Variants in CUX1 observed in about 807,000 individuals in gnomAD.
CUX1 encodes the protein protein CASP.
In CUX1, 31 loss-of-function variants were observed where a neutral mutation model predicts 158.8. The observed-to-expected ratio is 0.20, with a 90% CI of 0.15 to 0.26. The LOEUF is 0.26. CUX1 is among the 10% of genes least tolerant of loss of function. The pLI, the probability that CUX1 is intolerant of heterozygous loss-of-function variation, is 1.00. For synonymous variants in CUX1, 879 were observed against 862.1 expected (o/e 1.02, Z -0.34); for missense variants, 1,589 against 2,014.6 (o/e 0.79, Z 4.04).
intron 1 of CUX1, among the ~76,000 whole-genome samples, chr7:101,908,419 T>C (rs768900243): frequency 6.6e-6 from 1 of 152,192 alleles, no homozygotes; most frequent in Non-Finnish European, 1.5e-5. Flanking sequence ...GTGCTGGGAT[T>C]ACGGGCGTGA....
intron 1 of CUX1, among the ~76,000 whole-genome samples, chr7:101,870,991 G>C (rs1308339606): frequency 2.0e-5 from 3 of 152,222 alleles, no homozygotes; most frequent in African/African-American, 7.2e-5. Context: ...TAGCCACCAG[G>C]GGCTGCAGAT....
In CUX1 at chr7:101,931,055, C is replaced by T. The variant is rs533196889; in HGVS notation, c.141+14830C>T. Among the ~76,000 whole-genome samples, 8 of 152,312 alleles carry T rather than the reference C, an allele frequency of 5.3e-5. No homozygotes were observed. The South Asian group carries it at 1.2e-3, about 24-fold the overall frequency. The stretch of plus-strand genomic sequence containing the variant: ...AGATTGCAGTGAGCCGAGATCACGC[C>T]ACTGCACTCCAGCCTGGATTTCAGA... On this transcript the variant is annotated intron_variant, in intron 2 of 23. Coordinates refer to ENST00000292535, the MANE Select transcript of CUX1 (RefSeq NM_181552.4).
intron 1 of CUX1, among the ~76,000 whole-genome samples, chr7:101,842,740 C>T (rs1339523436): frequency 6.7e-6 from 1 of 150,362 alleles, no homozygotes; most frequent in Non-Finnish European, 1.5e-5. Flanking sequence ...TGTACTGTTA[C>T]ATTGCATGTA....
At position 102,251,799 on chromosome 7, in the gene CUX1, A is replaced by G; in HGVS notation, c.*2757A>G. On this transcript the variant is annotated 3_prime_UTR_variant, in exon 24 of 24. Coordinates refer to ENST00000292535, the MANE Select transcript of CUX1 (RefSeq NM_181552.4). The stretch of plus-strand genomic sequence containing the variant: ...TTTTCATAAGAATGAAAAGAAGTTA[A>G]CAGGAAATAGTAGGCTAGGGTTTAG... 1.0e-6 allele frequency: 1 copy of G among 985,418 alleles called. No homozygotes were observed. The highest frequency in any genetic ancestry group is 1.7e-5 in the African/African-American group (1 of 57,358). 61.0% of individuals were successfully genotyped at this position (985,418 alleles called of 1,614,324 possible). A position where few individuals can be genotyped will look rare whatever the true frequency, so the allele number is the denominator to read the frequency against.
chr7:102,237,226 G>C (rs2132469229), intron 22 of CUX1, among the ~76,000 whole-genome samples: 1 of 152,306 alleles, frequency 6.6e-6, no homozygotes, highest in East Asian at 1.9e-4. Flanking sequence ...CCTTGCCTAA[G>C]CTGTTTATTT....
chr7:102,183,344 C>T (rs1218158976), intron 11 of CUX1, among the ~76,000 whole-genome samples: 2 of 151,504 alleles, frequency 1.3e-5, no homozygotes, highest in African/African-American at 4.9e-5. Flanking sequence ...TTTTAATGAG[C>T]CAGAGTGGTG....
chr7:101,818,519 G>A (rs1350855052), intron 1 of CUX1, among the ~76,000 whole-genome samples: 1 of 152,062 alleles, frequency 6.6e-6, no homozygotes, highest in East Asian at 1.9e-4. Flanking sequence ...ACTTCTTCAG[G>A]GGATCAGGGC....
chr7:101,990,564 A>T (rs1452271356), intron 2 of CUX1, among the ~76,000 whole-genome samples: 2 of 152,024 alleles, frequency 1.3e-5, no homozygotes, highest in African/African-American at 2.4e-5. Flanking sequence ...TTTAGTAGAG[A>T]TGGGGTTTCA....
intron 2 of CUX1, among the ~76,000 whole-genome samples, chr7:101,985,701 C>T (rs1814209507): frequency 6.6e-6 from 1 of 152,166 alleles, no homozygotes; most frequent in Non-Finnish European, 1.5e-5. Flanking sequence ...AAGCCACCAC[C>T]CTGTTTTGAG....
downstream of CUX1, among the ~76,000 whole-genome samples, chr7:102,260,647 C>T (rs1465649274): frequency 7.4e-6 from 1 of 135,398 alleles, no homozygotes; most frequent in Non-Finnish European, 1.5e-5. Flanking sequence ...TGATCTCGAA[C>T]TCCTGACTTC....
intron 2 of CUX1, among the ~76,000 whole-genome samples, chr7:101,997,593 C>T (rs901909756): frequency 8.5e-5 from 13 of 152,136 alleles, no homozygotes; most frequent in African/African-American, 3.1e-4. Flanking sequence ...ATCCTCCCGC[C>T]TCAGCCTCCC....
rs2023204 is a variant in CUX1, at chr7:102,279,503, G to A, written c.1681-534G>A. 6.2e-3 allele frequency among the ~76,000 whole-genome samples: 939 copies of A among 152,110 alleles called. 13 individuals carry two copies. Among genetic ancestry groups the A allele is most frequent in the African/African-American group, 0.021 (883 of 41,460 alleles). The stretch of plus-strand genomic sequence containing the variant: ...CCCCAGGCCTCCCAGGGGCCACCCC[G>A]TGCCAGGAAACCCTTTCTATGAGTG... On this transcript the variant is annotated intron_variant, in intron 18 of 22. Coordinates refer to the CUX1 transcript ENST00000292538.
intron 1 of CUX1, among the ~76,000 whole-genome samples, chr7:101,836,855 T>TG (rs1006967460): frequency 2.6e-5 from 4 of 151,556 alleles, no homozygotes; most frequent in African/African-American, 9.7e-5. Flanking sequence ...ATGGGTGCGG[T>TG]GGGGGGCAGG....
chr7:101,926,086 T>G (rs1307091840), intron 2 of CUX1, among the ~76,000 whole-genome samples: 1 of 152,200 alleles, frequency 6.6e-6, no homozygotes, highest in Non-Finnish European at 1.5e-5. Flanking sequence ...AAAAGTATCT[T>G]GTGAATTTTC....
intron 2 of CUX1, among the ~76,000 whole-genome samples, chr7:102,006,232 C>T (rs1817360467): frequency 6.6e-6 from 1 of 152,108 alleles, no homozygotes; most frequent in Non-Finnish European, 1.5e-5. Flanking sequence ...TTGGAGCCTC[C>T]AGTTGGAAAC....
chr7:102,045,447 C>T (rs921660082), intron 3 of CUX1, among the ~76,000 whole-genome samples: 5 of 152,266 alleles, frequency 3.3e-5, no homozygotes, highest in African/African-American at 9.6e-5. Context: ...CGCGCGCCCC[C>T]TCCGATGTGG....
At chr7:102,182,020 G>GCTTT (rs773627372) in intron 11 of CUX1, among the ~76,000 whole-genome samples, 147 of 152,354 alleles carry the variant, frequency 9.6e-4, no homozygotes, top group Non-Finnish European at 1.5e-3. Context: ...CCACGGAGCT[G>GCTTT]CTTTCTTTCT....
intron 8 of CUX1, 78 bp from the exon 9 acceptor site, chr7:102,158,482 C>T (rs1554505969): frequency 6.8e-7 from 1 of 1,470,220 alleles, no homozygotes; most frequent in African/African-American, 1.4e-5. Context: ...GAGCCCTGAG[C>T]TAGGAAGCTG....
At chr7:101,896,846 G>A (rs1395923220) in intron 1 of CUX1, among the ~76,000 whole-genome samples, 1 of 152,162 alleles carries the variant, frequency 6.6e-6, no homozygotes, top group Non-Finnish European at 1.5e-5. Flanking sequence ...GTATTCATAG[G>A]GAAAGTGCAC....
Sources: gnomAD v4.1 joint callset for allele counts (sites outside exome capture counted in the v4.1 genomes callset) on GRCh38, gnomAD v4.1.1 for gene constraint, MANE v1.5 for transcripts, NCBI Gene and HGNC (gene_info 2026-07-23, HGNC 2026-07-21) for gene names.